NETO1: variants seen among roughly 807,000 people sequenced by gnomAD.
NETO1 encodes the protein neuropilin and tolloid-like protein 1.
NETO1 carries 26 observed loss-of-function variants against 61.3 expected under a neutral mutation model. The observed-to-expected ratio is 0.42, with a 90% CI of 0.31 to 0.59. The LOEUF (loss-of-function observed/expected upper bound fraction) is 0.59. Among genes scored for constraint, NETO1 ranks in the 20% least tolerant of loss-of-function variants. NETO1 has a pLI of 0.12. For synonymous variants in NETO1, 225 were observed against 225.8 expected (o/e 1.00, Z 0.03); for missense variants, 531 against 662.8 (o/e 0.80, Z 2.18).
chr18:72,759,777 G>A (rs1019835023), intron 7 of NETO1, among the ~76,000 whole-genome samples: 9 of 152,010 alleles, frequency 5.9e-5, no homozygotes, highest in South Asian at 4.2e-4. Flanking sequence ...TTCTACTTAC[G>A]AGATTCAATA....
intron 4 of NETO1, among the ~76,000 whole-genome samples, chr18:72,809,762 G>A (rs1435567507): frequency 6.6e-6 from 1 of 152,304 alleles, no homozygotes; most frequent in Middle Eastern, 3.4e-3. Flanking sequence ...TGAAAGAGAA[G>A]TTAACTGTAT....
At chr18:72,849,253 A>G (rs1277828629) in intron 4 of NETO1, among the ~76,000 whole-genome samples, 1 of 152,206 alleles carries the variant, frequency 6.6e-6, no homozygotes. Flanking sequence ...TTATCCATAT[A>G]ACTCCAGGAT....
chr18:72,767,743 GAGGAAGGA>G (rs975638603), intron 7 of NETO1, among the ~76,000 whole-genome samples: 5 of 151,976 alleles, frequency 3.3e-5, no homozygotes, highest in Non-Finnish European at 7.4e-5. Flanking sequence ...AGGGAGGTAA[GAGGAAGGA>G]AGGAAGGAAG....
chr18:72,856,493 G>A (rs868079493), intron 4 of NETO1, among the ~76,000 whole-genome samples: 1 of 152,148 alleles, frequency 6.6e-6, no homozygotes, highest in South Asian at 2.1e-4. Flanking sequence ...CGATAGTTGA[G>A]TTCTTACAGG....
intron 3 of NETO1, among the ~76,000 whole-genome samples, chr18:72,862,651 C>T (rs1412103741): frequency 5.9e-5 from 8 of 136,138 alleles, no homozygotes; most frequent in Non-Finnish European, 1.2e-4. Flanking sequence ...GACAGAGTCT[C>T]GCTCTGTCAC....
intron 7 of NETO1, among the ~76,000 whole-genome samples, chr18:72,780,920 G>A (rs1168074411): frequency 6.6e-6 from 1 of 151,978 alleles, no homozygotes; most frequent in Non-Finnish European, 1.5e-5. Flanking sequence ...ATTTTGATTG[G>A]TGCAGCTTCC....
chr18:72,771,969 C>T (rs1328409818), intron 7 of NETO1, among the ~76,000 whole-genome samples: 1 of 152,070 alleles, frequency 6.6e-6, no homozygotes, highest in Admixed American at 6.6e-5. Context: ...TCTCTGAAGG[C>T]TAAAATCAAG....
chr18:72,858,817 C>T lies in NETO1; in HGVS notation c.469+9G>A. On this transcript the variant is annotated intron_variant, in intron 4 of 10. Transcript: ENST00000327305. ...GAAAAAGAAATTTTTTTTTTAAGTACTTACTTACCAGGTGTGAAATTGTAT... is the reference window on the plus strand; with the variant it reads ...GAAAAAGAAATTTTTTTTTTAAGTATTTACTTACCAGGTGTGAAATTGTAT... 1 of 1,583,984 alleles carries T rather than the reference C, an allele frequency of 6.3e-7. No homozygotes were observed. The highest frequency in any genetic ancestry group is 1.9e-5 in the Admixed American group (1 of 52,380).
chr18:72,847,378 A>G (rs186153112), intron 4 of NETO1, among the ~76,000 whole-genome samples: 2 of 152,346 alleles, frequency 1.3e-5, no homozygotes, highest in East Asian at 3.9e-4. Context: ...GCAAGTCAGC[A>G]GAGCTGTGGA....
intron 4 of NETO1, among the ~76,000 whole-genome samples, chr18:72,808,452 T>TGTGTGG (rs2072754220): frequency 6.7e-6 from 1 of 150,246 alleles, no homozygotes; most frequent in Non-Finnish European, 1.5e-5. Flanking sequence ...TGTGTGTGTG[T>TGTGTGG]GTGGAGTGTG....
intron 4 of NETO1, among the ~76,000 whole-genome samples, chr18:72,842,418 G>A (rs1275906505): frequency 6.6e-6 from 1 of 152,032 alleles, no homozygotes; most frequent in East Asian, 1.9e-4. Context: ...GGCTAATATG[G>A]CGATGGTGAT....
chr18:72,780,218 C>G (rs1481672267), intron 7 of NETO1, among the ~76,000 whole-genome samples: 1 of 152,140 alleles, frequency 6.6e-6, no homozygotes, highest in Non-Finnish European at 1.5e-5. Context: ...ACAGAGAACG[C>G]TGTTGTAAAA....
Position 72,849,429 on chromosome 18 carries a change from T to C in NETO1, c.469+9397A>G, listed in dbSNP as rs937464576. ...ATTTAGGTATTCTTTAAGACATGCA[T>C]GTTTTCTCTACCATGCTTCTCACTT... is the stretch of plus-strand genomic sequence containing the variant. On this transcript the variant is annotated intron_variant, in intron 4 of 10. Transcript: ENST00000327305. 4.6e-5 allele frequency among the ~76,000 whole-genome samples: 7 copies of C among 152,188 alleles called. No homozygotes were observed. The East Asian group carries it at 1.4e-3, about 29-fold the overall frequency.
chr18:72,845,638 T>G (rs2074059377), intron 4 of NETO1, among the ~76,000 whole-genome samples: 1 of 152,242 alleles, frequency 6.6e-6, no homozygotes, highest in South Asian at 2.1e-4. Flanking sequence ...GTGGAATGTG[T>G]ATAGTGAAGT....
chr18:72,765,458 G>A (rs913366207), intron 7 of NETO1, among the ~76,000 whole-genome samples: 4 of 151,676 alleles, frequency 2.6e-5, no homozygotes, highest in Non-Finnish European at 4.4e-5. Flanking sequence ...TCACTCTGTT[G>A]TCCAGGCTGG....
Position 72,805,420 on chromosome 18 carries a change from T to C in NETO1, c.470-11016A>G, listed in dbSNP as rs72634464. 8.8e-3 allele frequency among the ~76,000 whole-genome samples: 1,334 copies of C among 152,350 alleles called. 32 individuals carry two copies. The highest frequency in any genetic ancestry group is 0.06 in the East Asian group (309 of 5,190). ...TTTTTCTGGTTTCTCATTTTAATTC[T>C]TATTTTCATTTAGTTAGATCCACGA... On this transcript the variant is annotated intron_variant, in intron 4 of 10. Coordinates refer to ENST00000327305, the MANE Select transcript of NETO1 (RefSeq NM_138966.5).
intron 7 of NETO1, among the ~76,000 whole-genome samples, chr18:72,779,062 G>T (rs1374557062): frequency 6.6e-6 from 1 of 152,096 alleles, no homozygotes; most frequent in Non-Finnish European, 1.5e-5. Context: ...CCACTGAACT[G>T]GGGATACTAT....
At position 72,746,112 on chromosome 18, in the gene NETO1, G is replaced by A. The variant is rs995656759; in HGVS notation, c.*2067C>T. 6.6e-6 allele frequency among the ~76,000 whole-genome samples: 1 copy of A among 151,988 alleles called. No homozygotes were observed. Among genetic ancestry groups the A allele is most frequent in the Non-Finnish European group, 1.5e-5 (1 of 68,004 alleles). On this transcript the variant is annotated 3_prime_UTR_variant, in exon 11 of 11. Coordinates refer to ENST00000327305, the MANE Select transcript of NETO1 (RefSeq NM_138966.5). ...CTGGAGGGGACGGACATGCCGGACAGTTATAGAACAAATTAATAGTAAAAT... is the reference window on the plus strand; with the variant it reads ...CTGGAGGGGACGGACATGCCGGACAATTATAGAACAAATTAATAGTAAAAT...
chr18:72,847,358 T>C (rs115065825), intron 4 of NETO1, among the ~76,000 whole-genome samples: 1,876 of 152,274 alleles, frequency 0.012, 43 homozygotes, highest in African/African-American at 0.043. Context: ...ACATTGAAGC[T>C]GAATTTCAAG....
Sources: allele counts gnomAD v4.1 joint callset (sites outside exome capture counted in the v4.1 genomes callset), GRCh38; gene constraint gnomAD v4.1.1; transcripts MANE v1.5; gene names NCBI Gene and HGNC (gene_info 2026-07-23, HGNC 2026-07-21).